NAV3: variants seen among roughly 807,000 people sequenced by gnomAD.
NAV3 encodes pore membrane and/or filament interacting like protein 1.
A neutral mutation model predicts 244.7 loss-of-function variants in NAV3; 87 were observed. That is an observed-to-expected ratio of 0.36 (90% confidence interval 0.30 to 0.42). NAV3 has a LOEUF of 0.42. NAV3 is among the 20% of genes least tolerant of loss of function. NAV3 has a pLI of 1.00. For missense variants in NAV3, 2,663 were observed against 2,893.3 expected, an observed-to-expected ratio of 0.92 and a Z score of 1.83; for synonymous variants, 1,126 against 1,042.2, an observed-to-expected ratio of 1.08 and a Z score of -1.55.
intron 2 of NAV3, among the ~76,000 whole-genome samples, chr12:77,695,945 A>G (rs904393967): frequency 5.3e-5 from 8 of 152,282 alleles, no homozygotes; most frequent in Admixed American, 2.0e-4. Context: ...TTTTGAAGTT[A>G]TAATTTGTCA....
At chr12:78,209,851 A>G (rs145879045) in intron 39 of NAV3, among the ~76,000 whole-genome samples, 105 of 152,006 alleles carry the variant, frequency 6.9e-4, no homozygotes, top group African/African-American at 2.5e-3. Flanking sequence ...CTCTTCAAAC[A>G]CTCATGGTCT....
At chr12:77,573,796 G>C (rs562952639) in intron 2 of NAV3, among the ~76,000 whole-genome samples, 5 of 152,292 alleles carry the variant, frequency 3.3e-5, no homozygotes, top group South Asian at 2.1e-4. Flanking sequence ...TGATGGAGAT[G>C]CTGCTTTTAT....
intron 2 of NAV3, among the ~76,000 whole-genome samples, chr12:77,600,398 C>T (rs974991880): frequency 3.3e-5 from 5 of 151,924 alleles, no homozygotes; most frequent in Admixed American, 3.3e-4. Flanking sequence ...CTTTTGTCTT[C>T]CTTGACTGTA....
intron 1 of NAV3, among the ~76,000 whole-genome samples, chr12:77,864,301 T>C (rs1429467989): frequency 6.6e-6 from 1 of 151,974 alleles, no homozygotes; most frequent in Non-Finnish European, 1.5e-5. Flanking sequence ...CACAAATGCA[T>C]TTAACTATGA....
At chr12:77,676,588 T>A (rs1044150442) in intron 2 of NAV3, among the ~76,000 whole-genome samples, 72 of 148,578 alleles carry the variant, frequency 4.8e-4, no homozygotes, top group African/African-American at 1.4e-3. Flanking sequence ...TTTTAAAAAA[T>A]TTTACTTTAA....
chr12:77,794,128 G>T (rs966342617), intron 2 of NAV3, among the ~76,000 whole-genome samples: 3 of 152,142 alleles, frequency 2.0e-5, no homozygotes, highest in African/African-American at 7.2e-5. Flanking sequence ...CTTCTTTTGA[G>T]AAATGTCTGT....
chr12:77,625,864 A>C (rs1390408843), intron 2 of NAV3, among the ~76,000 whole-genome samples: 1 of 152,222 alleles, frequency 6.6e-6, no homozygotes, highest in Non-Finnish European at 1.5e-5. Context: ...CTTATATATC[A>C]ACATAAGGAC....
chr12:77,950,519 T>C (rs1272008800), intron 3 of NAV3: 1 of 152,152 alleles, frequency 6.6e-6, no homozygotes, highest in African/African-American at 2.4e-5. Flanking sequence ...TTCAATGCCA[T>C]CCCCATCAAG....
Position 77,946,241 on chromosome 12 carries a change from G to A in NAV3, c.414+5108G>A, listed in dbSNP as rs187197007. Among the ~76,000 whole-genome samples the A allele has an allele frequency of 4.9e-3, 526 of 107,814 alleles. 4 individuals are homozygous for A. The highest frequency in any genetic ancestry group is 0.015 in the African/African-American group (505 of 34,186). The allele number at this position is 107,814 out of a possible 152,430, so 70.7% of individuals were successfully genotyped here. On this transcript the variant is annotated intron_variant, in intron 3 of 39. Coordinates refer to ENST00000397909, the MANE Select transcript of NAV3 (RefSeq NM_001024383.2). ...TATATGTGTAAATATATGTGCGTAT[G>A]TGTGTGTGTGTGTGTGTGCGCGTGC...
intron 2 of NAV3, among the ~76,000 whole-genome samples, chr12:77,755,601 C>CCCTG (rs1869117074): frequency 1.8e-5 from 1 of 55,804 alleles, no homozygotes; most frequent in South Asian, 6.8e-4. Context: ...CTCCCTCCCT[C>CCCTG]CCTCCCTCCC....
At chr12:78,044,641 CT>C (rs1476449078) in intron 9 of NAV3, among the ~76,000 whole-genome samples, 5 of 152,034 alleles carry the variant, frequency 3.3e-5, no homozygotes, top group Non-Finnish European at 4.4e-5. Flanking sequence ...TGAAGAGGTC[CT>C]TCACATACCT....
intron 35 of NAV3, among the ~76,000 whole-genome samples, chr12:78,198,156 A>G (rs1029445016): frequency 3.9e-5 from 6 of 151,912 alleles, no homozygotes; most frequent in African/African-American, 1.2e-4. Flanking sequence ...TCTGCTAGAG[A>G]TTTTTGGAAG....
At chr12:77,587,457 A>G (rs1869670119) in intron 2 of NAV3, among the ~76,000 whole-genome samples, 1 of 152,186 alleles carries the variant, frequency 6.6e-6, no homozygotes, top group South Asian at 2.1e-4. Flanking sequence ...TTTCTTGCCA[A>G]ATGATAAGAT....
intron 12 of NAV3, among the ~76,000 whole-genome samples, chr12:78,098,940 C>T (rs1029223977): frequency 4.3e-4 from 61 of 143,030 alleles, no homozygotes; most frequent in African/African-American, 1.5e-3. Flanking sequence ...ACCACAATGC[C>T]TGAAAGTATC....
chr12:78,046,239 C>T (rs1881773964), intron 9 of NAV3, among the ~76,000 whole-genome samples: 1 of 152,084 alleles, frequency 6.6e-6, no homozygotes, highest in African/African-American at 2.4e-5. Flanking sequence ...TTCAGTTCTG[C>T]TCTGATCTTA....
rs142930645 is a variant in NAV3 at position 78,117,678 on chromosome 12, G to A, written c.2770-349G>A. ...AGATAGTTCTTGATTAATTTTATATGATCTCTGAAATATATCACTGGATCT... is the reference window on the plus strand; with the variant it reads ...AGATAGTTCTTGATTAATTTTATATAATCTCTGAAATATATCACTGGATCT... On this transcript the variant is annotated intron_variant, in intron 13 of 39. Transcript: ENST00000397909. Among the ~76,000 whole-genome samples, 10 of 151,654 alleles carry A rather than the reference G, an allele frequency of 6.6e-5. No individual in the cohort carries two copies. In the East Asian group the frequency reaches 1.6e-3, roughly 24 times the overall value.
chr12:77,694,034 A>G (rs143374200), intron 2 of NAV3, among the ~76,000 whole-genome samples: 46 of 152,208 alleles, frequency 3.0e-4, no homozygotes, highest in Non-Finnish European at 6.3e-4. Flanking sequence ...GCAATCCCCT[A>G]TTCCATCCTT....
At position 78,128,686 on chromosome 12, in the gene NAV3, A is replaced by G. The variant is rs554897745; in HGVS notation, c.4281-20A>G. The stretch of plus-strand genomic sequence containing the variant: ...GCCCTTGTAGATGTGCTTAAGTGTC[A>G]TAGCTGTGCTGTTTTGCAGATATAC... On this transcript the variant is annotated intron_variant, in intron 17 of 39. Coordinates refer to ENST00000397909, the MANE Select transcript of NAV3 (RefSeq NM_001024383.2). 3 of 1,610,514 alleles carry G rather than the reference A, an allele frequency of 1.9e-6. No homozygotes were observed. Among genetic ancestry groups the G allele is most frequent in the Admixed American group, 1.7e-5 (1 of 59,512 alleles).
chr12:77,760,354 A>G (rs1034641703), intron 2 of NAV3, among the ~76,000 whole-genome samples: 5 of 152,220 alleles, frequency 3.3e-5, no homozygotes, highest in Non-Finnish European at 5.9e-5. Context: ...CTGGAGAACC[A>G]CAGAGCAGCA....
Sources: gnomAD v4.1 joint callset for allele counts (sites outside exome capture counted in the v4.1 genomes callset) on GRCh38, gnomAD v4.1.1 for gene constraint, MANE v1.5 for transcripts, NCBI Gene and HGNC (gene_info 2026-07-23, HGNC 2026-07-21) for gene names.